Variants in RNF144A observed in about 807,000 individuals in gnomAD.
RNF144A encodes the protein ring finger protein 144A, also known as E3 ubiquitin-protein ligase RNF144A.
Under a neutral mutation model 38.7 loss-of-function variants are expected in RNF144A, and 11 were observed. The ratio of observed to expected loss-of-function variants is 0.28; its 90% confidence interval spans 0.18 to 0.47. The LOEUF (loss-of-function observed/expected upper bound fraction) is 0.47. Among genes scored for constraint, RNF144A ranks in the 20% least tolerant of loss-of-function variants. The pLI is 0.99. For missense variants in RNF144A, 316 were observed against 377.2 expected (o/e 0.84, Z 1.34); for synonymous variants, 149 against 143.9 (o/e 1.04, Z -0.25).
At position 7,041,013 on chromosome 2, in the gene RNF144A, A is replaced by G. The variant is rs925399324; in HGVS notation, c.*1253A>G. On this transcript the variant is annotated 3_prime_UTR_variant, in exon 9 of 9. Coordinates refer to ENST00000320892, the MANE Select transcript of RNF144A (RefSeq NM_014746.6). ...AGGACACATACACATTATTCCACCA[A>G]TTGACTTTGAAAAGTGGAGAAAGTG... The G allele has an allele frequency of 9.1e-6, 9 of 985,300 alleles. No individual in the cohort carries two copies. The highest frequency in any genetic ancestry group is 1.2e-4 in the Admixed American group (2 of 16,278). The allele number at this position is 985,300 out of a possible 1,614,324, so 61.0% of individuals were successfully genotyped here.
At chr2:7,068,489 A>C (rs1180181387), downstream of RNF144A, among the ~76,000 whole-genome samples, 1 of 152,198 alleles carries the variant, frequency 6.6e-6, no homozygotes, top group East Asian at 1.9e-4. Flanking sequence ...TAAGCAGAAG[A>C]AGCAGAAAGA....
intron 2 of RNF144A, among the ~76,000 whole-genome samples, chr2:6,979,788 C>G (rs1668521883): frequency 6.6e-6 from 1 of 152,196 alleles, no homozygotes; most frequent in South Asian, 2.1e-4. Context: ...TCTTAAACCT[C>G]AGTTCTTAAT....
intron 1 of RNF144A, among the ~76,000 whole-genome samples, chr2:6,926,381 T>C (rs1019783183): frequency 1.3e-5 from 2 of 152,122 alleles, no homozygotes; most frequent in African/African-American, 4.8e-5. Context: ...TGGGAGGTGG[T>C]CCTGGAGGAC....
rs1666206941 is a variant in RNF144A, at chr2:6,944,413, GCCTACTTACC to G, written c.-12+3270_-12+3279del. On this transcript the variant is annotated intron_variant, in intron 2 of 8. Transcript: ENST00000320892. This position sits in a 1 kb window ranked among gnomAD's most constrained non-coding sequence, Gnocchi z 4.7. ...GATCTTCCCCTCCACTTACCCGATT[GCCTACTTACC>G]CCTTTGGTGATACTGGGAAGGCATT... Among the ~76,000 whole-genome samples, 1 of 152,116 alleles carries G rather than the reference GCCTACTTACC, an allele frequency of 6.6e-6. No individual in the cohort carries two copies. The highest frequency in any genetic ancestry group is 2.1e-4 in the South Asian group (1 of 4,806).
At chr2:7,073,426 A>G in the RNF144A span, among the ~76,000 whole-genome samples, 1 of 152,182 alleles carries the variant, frequency 6.6e-6, no homozygotes, top group East Asian at 1.9e-4. Context: ...TGTGATTCAT[A>G]TTCATATTTA....
chr2:6,945,320 C>T (rs1287297744), intron 2 of RNF144A, among the ~76,000 whole-genome samples: 1 of 152,190 alleles, frequency 6.6e-6, no homozygotes, highest in Non-Finnish European at 1.5e-5. Flanking sequence ...TGAGATGCAG[C>T]GGCTGATGGT....
At chr2:6,929,756 T>C (rs1665089474) in intron 1 of RNF144A, among the ~76,000 whole-genome samples, 1 of 152,244 alleles carries the variant, frequency 6.6e-6, no homozygotes, top group South Asian at 2.1e-4. Flanking sequence ...ACTGTTTATG[T>C]AGAAATCAAT....
chr2:7,003,625 TATA>T (rs1670257635), intron 3 of RNF144A, among the ~76,000 whole-genome samples: 1 of 152,258 alleles, frequency 6.6e-6, no homozygotes, highest in African/African-American at 2.4e-5. Context: ...TACTACATTC[TATA>T]ATGTTTGCAC....
At chr2:7,068,919 T>A (rs1247288049), downstream of RNF144A, among the ~76,000 whole-genome samples, 1 of 152,162 alleles carries the variant, frequency 6.6e-6, no homozygotes, top group Non-Finnish European at 1.5e-5. Flanking sequence ...ACCTCCTGGG[T>A]TCCAGCCTCC....
intron 6 of RNF144A, 95 bp from the exon 7 acceptor site, chr2:7,024,274 C>A (rs1671724946): frequency 9.0e-7 from 1 of 1,106,154 alleles, no homozygotes; most frequent in Admixed American, 2.7e-5. Context: ...AAAACTCAGT[C>A]TGTGAAGTGG....
intron 6 of RNF144A, among the ~76,000 whole-genome samples, chr2:7,051,976 G>C (rs1460966866): frequency 1.3e-5 from 2 of 152,052 alleles, no homozygotes; most frequent in South Asian, 4.2e-4. Flanking sequence ...CCTCACCCAG[G>C]TATGCCCAAT....
intron 6 of RNF144A, among the ~76,000 whole-genome samples, chr2:7,056,978 C>G (rs1032984097): frequency 2.3e-4 from 35 of 152,218 alleles, no homozygotes; most frequent in Admixed American, 2.1e-3. Context: ...TGCTGAGGAC[C>G]CTGACGTTCC....
chr2:7,066,720 T>A lies in RNF144A; in HGVS notation c.735-1496T>A, dbSNP rs309267. Among the ~76,000 whole-genome samples, 449 of 151,962 alleles carry A rather than the reference T, an allele frequency of 3.0e-3. 2 individuals carry two copies. The highest frequency in any genetic ancestry group is 0.01 in the Middle Eastern group (3 of 294). On this transcript the variant is annotated intron_variant, in intron 6 of 6. Coordinates refer to the RNF144A transcript ENST00000432850. ...CTCTTGGAAAAAAATTATCGCCATG[T>A]TGTGTTGCATACTTGGTTCACTTAC...
intron 3 of RNF144A, among the ~76,000 whole-genome samples, chr2:7,007,136 G>A (rs1217946720): frequency 1.3e-5 from 2 of 152,090 alleles, no homozygotes; most frequent in African/African-American, 4.8e-5. Context: ...ACCCTCCTCA[G>A]TGCTTTCTTC....
At position 7,041,965 on chromosome 2, in the gene RNF144A, C is replaced by T; in HGVS notation, c.*2205C>T. On this transcript the variant is annotated 3_prime_UTR_variant, in exon 9 of 9. Coordinates refer to ENST00000320892, the MANE Select transcript of RNF144A (RefSeq NM_014746.6). ...GCCCCAGCCATCCTTGTGCCTTCAC[C>T]TCTGATGTGTTTCACAAGCACGTAG... 3 of 985,378 alleles carry T rather than the reference C, an allele frequency of 3.0e-6. No homozygotes were observed. Among genetic ancestry groups the T allele is most frequent in the Non-Finnish European group, 3.6e-6 (3 of 829,936 alleles). 61.0% of individuals were successfully genotyped at this position (985,378 alleles called of 1,614,324 possible).
chr2:6,970,854 A>C (rs1667961574), intron 2 of RNF144A, among the ~76,000 whole-genome samples: 1 of 152,196 alleles, frequency 6.6e-6, no homozygotes, highest in Non-Finnish European at 1.5e-5. Context: ...TTCCTCCTGC[A>C]GCCCTCATTC....
chr2:7,062,370 CAG>C (rs931864669), intron 6 of RNF144A, among the ~76,000 whole-genome samples: 4 of 151,698 alleles, frequency 2.6e-5, no homozygotes, highest in Non-Finnish European at 5.9e-5. Context: ...AAGACTGGTA[CAG>C]AGTTAAAAAT....
chr2:7,001,166 G>C (rs1670078252), intron 3 of RNF144A, among the ~76,000 whole-genome samples: 1 of 151,978 alleles, frequency 6.6e-6, no homozygotes, highest in Non-Finnish European at 1.5e-5. Context: ...TGGGCGTGGT[G>C]GCGTGTGCCT....
Position 7,041,230 on chromosome 2 carries a change from G to A in RNF144A, c.*1470G>A, listed in dbSNP as rs1297024114. ...TATCTCAGTTATTTGCCCATCACAA[G>A]CACATTTTTAAAATGTTGCTTTGTG... is the stretch of plus-strand genomic sequence containing the variant. On this transcript the variant is annotated 3_prime_UTR_variant, in exon 9 of 9. Transcript: ENST00000320892. 2 of 985,294 alleles carry A rather than the reference G, an allele frequency of 2.0e-6. No homozygotes were observed. Among genetic ancestry groups the A allele is most frequent in the African/African-American group, 3.5e-5 (2 of 57,214 alleles). 61.0% of individuals were successfully genotyped at this position (985,294 alleles called of 1,614,324 possible). A position where few individuals can be genotyped will look rare whatever the true frequency, so the allele number is the denominator to read the frequency against.
Sources: allele counts gnomAD v4.1 joint callset (sites outside exome capture counted in the v4.1 genomes callset), GRCh38; gene constraint gnomAD v4.1.1; non-coding constraint Gnocchi (gnomAD v3.1); transcripts MANE v1.5; gene names NCBI Gene and HGNC (gene_info 2026-07-23, HGNC 2026-07-21).